THRB: variants seen among roughly 807,000 people sequenced by gnomAD.
THRB encodes the protein thyroid hormone receptor beta.
A neutral mutation model predicts 47.8 loss-of-function variants in THRB; 12 were observed. The observed-to-expected ratio is 0.25, with a 90% CI of 0.16 to 0.41. THRB has a LOEUF of 0.41. THRB is among the 10% of genes least tolerant of loss of function. THRB has a pLI of 1.00. For missense variants in THRB, 348 were observed against 589.2 expected (o/e 0.59, Z 4.24); for synonymous variants, 218 against 212.2 (o/e 1.03, Z -0.24).
intron 4 of THRB, among the ~76,000 whole-genome samples, chr3:24,210,279 T>G (rs1464215314): frequency 2.0e-5 from 3 of 152,230 alleles, no homozygotes; most frequent in African/African-American, 7.2e-5. Context: ...GTGAGGAAAC[T>G]GCTCTGGAAG....
At chr3:24,230,230 G>T (rs2048115117) in intron 3 of THRB, among the ~76,000 whole-genome samples, 1 of 152,176 alleles carries the variant, frequency 6.6e-6, no homozygotes, top group Admixed American at 6.5e-5. Context: ...CATACTTCTT[G>T]TCCCATTCTG....
Position 24,328,660 on chromosome 3 carries a change from C to G in THRB, c.-189+8640G>C, listed in dbSNP as rs147368750. On this transcript the variant is annotated intron_variant, in intron 2 of 10. Transcript: ENST00000646209. The stretch of plus-strand genomic sequence containing the variant: ...TGTTTCTTGAATACATCCATCTTCT[C>G]TATTCACACTGGAACTGCCCTAGCG... Among the ~76,000 whole-genome samples the G allele has an allele frequency of 2.1e-3, 323 of 152,332 alleles. 3 individuals carry two copies. Among genetic ancestry groups the G allele is most frequent in the African/African-American group, 7.6e-3 (315 of 41,574 alleles).
chr3:24,257,176 T>C (rs1365565231), intron 3 of THRB, among the ~76,000 whole-genome samples: 1 of 152,220 alleles, frequency 6.6e-6, no homozygotes, highest in Non-Finnish European at 1.5e-5. Context: ...TCAATATTCA[T>C]GGAGAGGCCC....
At chr3:24,174,395 C>G (rs976709334) in intron 5 of THRB, among the ~76,000 whole-genome samples, 2 of 152,110 alleles carry the variant, frequency 1.3e-5, no homozygotes, top group African/African-American at 4.8e-5. Flanking sequence ...CTAATCATTT[C>G]ATTTTTAAGA....
intron 3 of THRB, among the ~76,000 whole-genome samples, chr3:24,239,117 T>A (rs1258815391): frequency 1.3e-5 from 2 of 152,182 alleles, no homozygotes; most frequent in African/African-American, 4.8e-5. Flanking sequence ...AAGTTTTGTA[T>A]TTTAAGTAGA....
intron 2 of THRB, among the ~76,000 whole-genome samples, chr3:24,322,812 C>A (rs1265374497): frequency 6.6e-6 from 1 of 152,136 alleles, no homozygotes; most frequent in Non-Finnish European, 1.5e-5. Flanking sequence ...GTCCCATGTT[C>A]ATTTTATTGC....
At chr3:24,231,426 G>T (rs1280038624) in intron 3 of THRB, among the ~76,000 whole-genome samples, 1 of 151,934 alleles carries the variant, frequency 6.6e-6, no homozygotes, top group African/African-American at 2.4e-5. Context: ...TAAAAATAGT[G>T]TTATCACCAC....
At chr3:24,422,421 A>G (rs73041706) in intron 1 of THRB, among the ~76,000 whole-genome samples, 39,041 of 151,738 alleles carry the variant, frequency 0.26, 5,446 homozygotes, top group East Asian at 0.36. Context: ...GGAAAAAGCC[A>G]TGTCAGCCCT....
At chr3:24,489,090 C>A (rs1314980427) in intron 1 of THRB, among the ~76,000 whole-genome samples, 1 of 151,864 alleles carries the variant, frequency 6.6e-6, no homozygotes, top group African/African-American at 2.4e-5. Flanking sequence ...CCTGTCCCTA[C>A]TAAAATTACA....
intron 5 of THRB, 158 bp downstream of exon 5, chr3:24,189,916 G>T (rs1380986904): frequency 2.6e-5 from 18 of 696,230 alleles, no homozygotes; most frequent in Admixed American, 2.4e-4. Flanking sequence ...ATGTTTAAAA[G>T]AATATTTGAA....
At chr3:24,156,754 T>C (rs1316542317) in intron 5 of THRB, among the ~76,000 whole-genome samples, 1 of 152,206 alleles carries the variant, frequency 6.6e-6, no homozygotes, top group South Asian at 2.1e-4. Context: ...GTCACTAGCA[T>C]GCTTAGTCAC....
intron 3 of THRB, among the ~76,000 whole-genome samples, chr3:24,280,776 A>G (rs2054493344): frequency 1.3e-5 from 2 of 152,138 alleles, no homozygotes; most frequent in African/African-American, 4.8e-5. Flanking sequence ...AGGCTCGAGA[A>G]CTACGTGAAG....
intron 5 of THRB, among the ~76,000 whole-genome samples, chr3:24,173,321 TG>T (rs758780646): frequency 1.1e-4 from 16 of 152,194 alleles, no homozygotes; most frequent in Non-Finnish European, 2.2e-4. Context: ...GGTTTTCTCC[TG>T]GTCCTGGCAG....
At chr3:24,156,916 C>T (rs149617643) in intron 5 of THRB, among the ~76,000 whole-genome samples, 10 of 152,176 alleles carry the variant, frequency 6.6e-5, no homozygotes, top group South Asian at 4.1e-4. Context: ...CCCCAACATA[C>T]GAATCCTGAT....
chr3:24,450,744 T>A (rs1241563718), intron 1 of THRB, among the ~76,000 whole-genome samples: 1 of 152,150 alleles, frequency 6.6e-6, no homozygotes, highest in South Asian at 2.1e-4. Context: ...AGCTTTTTTT[T>A]GAGAGAGAGA....
At chr3:24,367,059 A>G (rs1309325620) in intron 1 of THRB, among the ~76,000 whole-genome samples, 1 of 152,216 alleles carries the variant, frequency 6.6e-6, no homozygotes, top group Non-Finnish European at 1.5e-5. Flanking sequence ...CACATTCATA[A>G]TTCCTTCAAC....
intron 1 of THRB, among the ~76,000 whole-genome samples, chr3:24,366,946 C>T (rs2064518874): frequency 6.6e-6 from 1 of 151,998 alleles, no homozygotes; most frequent in South Asian, 2.1e-4. Flanking sequence ...ATTTGTACTG[C>T]TGTTCATCAG....
intron 5 of THRB, among the ~76,000 whole-genome samples, chr3:24,180,902 G>A (rs900557835): frequency 1.3e-5 from 2 of 152,164 alleles, no homozygotes; most frequent in Non-Finnish European, 2.9e-5. Flanking sequence ...AAAACTCAAA[G>A]CCTCCCTGCC....
chr3:24,396,226 G>A (rs1449002363), intron 1 of THRB, among the ~76,000 whole-genome samples: 5 of 151,806 alleles, frequency 3.3e-5, no homozygotes, highest in African/African-American at 1.2e-4. Context: ...ATAGACCTTA[G>A]TTCTCAGCTA....
Sources: gnomAD v4.1 joint callset for allele counts (sites outside exome capture counted in the v4.1 genomes callset) on GRCh38, gnomAD v4.1.1 for gene constraint, MANE v1.5 for transcripts, NCBI Gene and HGNC (gene_info 2026-07-23, HGNC 2026-07-21) for gene names.